The following EPHA5 variants were observed in gnomAD, a reference collection of about 807,000 sequenced individuals.
The protein encoded by EPHA5 is ephrin type-A receptor 5.
EPHA5 carries 60 observed loss-of-function variants against 105.0 expected under a neutral mutation model. The observed-to-expected ratio is 0.57, with a 90% CI of 0.46 to 0.71. EPHA5 has a LOEUF of 0.71. Among genes scored for constraint, EPHA5 ranks in the 30% least tolerant of loss-of-function variants. The probability of loss-of-function intolerance (pLI) is 0.00; values close to 1 mark genes in which losing one functional copy is unlikely to be tolerated. For synonymous variants in EPHA5, 513 were observed against 449.1 expected, an observed-to-expected ratio of 1.14 and a Z score of -1.80; for missense variants, 1,218 against 1,274.7, an observed-to-expected ratio of 0.96 and a Z score of 0.68.
chr4:65,396,301 T>A (rs569513247), intron 8 of EPHA5, among the ~76,000 whole-genome samples: 1 of 152,320 alleles, frequency 6.6e-6, no homozygotes, highest in South Asian at 2.1e-4. Context: ...GACTTAAGGC[T>A]AATTAAGGGG....
chr4:65,549,121 G>A (rs1032673206), intron 3 of EPHA5, among the ~76,000 whole-genome samples: 1 of 151,994 alleles, frequency 6.6e-6, no homozygotes, highest in African/African-American at 2.4e-5. Context: ...CAACATAAAT[G>A]CAAACATCAG....
chr4:65,539,543 A>G (rs1257661001), intron 3 of EPHA5, among the ~76,000 whole-genome samples: 2 of 151,602 alleles, frequency 1.3e-5, no homozygotes, highest in African/African-American at 4.8e-5. Flanking sequence ...TCATACTGGA[A>G]ACCAAACAAG....
intron 5 of EPHA5, among the ~76,000 whole-genome samples, chr4:65,422,793 G>C (rs1166919631): frequency 5.3e-5 from 8 of 151,930 alleles, no homozygotes; most frequent in Non-Finnish European, 1.0e-4. Context: ...AATTTTTAAA[G>C]TTTTAAATTT....
intron 3 of EPHA5, among the ~76,000 whole-genome samples, chr4:65,520,031 A>G (rs1470975007): frequency 6.6e-6 from 1 of 152,190 alleles, no homozygotes; most frequent in Non-Finnish European, 1.5e-5. Flanking sequence ...AAACTACTTT[A>G]AAGTTCATAT....
At chr4:65,527,712 G>A (rs1735372324) in intron 3 of EPHA5, among the ~76,000 whole-genome samples, 2 of 152,002 alleles carry the variant, frequency 1.3e-5, no homozygotes, top group Non-Finnish European at 2.9e-5. Flanking sequence ...TATTTTAAGT[G>A]CAGGGGTTCA....
intron 8 of EPHA5, among the ~76,000 whole-genome samples, chr4:65,387,882 A>G (rs1720269658): frequency 6.6e-6 from 1 of 150,804 alleles, no homozygotes; most frequent in South Asian, 2.1e-4. Context: ...TTAGTTACAT[A>G]TGTATACATG....
At chr4:65,620,289 T>C (rs1411777536) in intron 2 of EPHA5, among the ~76,000 whole-genome samples, 2 of 151,960 alleles carry the variant, frequency 1.3e-5, no homozygotes, top group Non-Finnish European at 2.9e-5. Flanking sequence ...GTTAATAAGT[T>C]TTGGAGCTAT....
intron 5 of EPHA5, among the ~76,000 whole-genome samples, chr4:65,436,291 A>G (rs1207365180): frequency 6.6e-6 from 1 of 151,970 alleles, no homozygotes; most frequent in Non-Finnish European, 1.5e-5. Flanking sequence ...ACTTTGGAGA[A>G]ATGTTTCTAT....
intron 3 of EPHA5, among the ~76,000 whole-genome samples, chr4:65,496,692 G>A (rs961140022): frequency 2.0e-5 from 3 of 151,970 alleles, no homozygotes; most frequent in East Asian, 3.9e-4. Context: ...ATAAACATAC[G>A]TGTGCATGTG....
chr4:65,410,393 G>T (rs1376675250), intron 7 of EPHA5, among the ~76,000 whole-genome samples: 1 of 152,120 alleles, frequency 6.6e-6, no homozygotes, highest in Non-Finnish European at 1.5e-5. Context: ...GCAGATGAAT[G>T]GTTTCCAGGG....
In EPHA5 at chr4:65,365,155, T is replaced by C. The variant is rs1717744644; in HGVS notation, c.2035A>G (p.Arg679Gly). 2 of 1,611,238 alleles carry C rather than the reference T, an allele frequency of 1.2e-6. No homozygotes were observed. The highest frequency in any genetic ancestry group is 2.7e-5 in the African/African-American group (2 of 74,736). The change falls in exon 11 of 17, where the codon AGA becomes GGA. Residue 679 changes from arginine to glycine, a missense_variant. Physicochemically the swap from Arg to Gly is moderately radical, Grantham distance 125 (BLOSUM62 -2). Around this residue, in one of 3 missense-constraint regions of EPHA5, gnomAD observed 971 missense variants for 1,013.5 expected, o/e 0.96. Coordinates refer to ENST00000613740, the MANE Select transcript of EPHA5 (RefSeq NM_001281766.3). ...GTTTTGATAGCCACAGGTAATTCTC[T>C]TTTTCCTGGTAGTTTCAAACGTCCA... ...CSGRLKLPGK[R>G]ELPVAIKTLK...
At chr4:65,432,608 C>T (rs563697880) in intron 5 of EPHA5, among the ~76,000 whole-genome samples, 3 of 152,054 alleles carry the variant, frequency 2.0e-5, no homozygotes, top group East Asian at 3.9e-4. Context: ...TACTCTGTCA[C>T]CCAGTCTTGA....
intron 9 of EPHA5, 111 bp from the exon 10 acceptor site, chr4:65,366,168 A>G (rs950156904): frequency 2.0e-6 from 2 of 1,016,798 alleles, no homozygotes; most frequent in African/African-American, 3.2e-5. Flanking sequence ...GGAAGTATTC[A>G]AACTGCAAGG....
chr4:65,355,462 G>C (rs1051276075), intron 11 of EPHA5, among the ~76,000 whole-genome samples: 1 of 151,468 alleles, frequency 6.6e-6, no homozygotes, highest in African/African-American at 2.4e-5. Flanking sequence ...TCTTTTTAAA[G>C]GACCTCAGGC....
chr4:65,561,609 A>G (rs1739025924), intron 3 of EPHA5, among the ~76,000 whole-genome samples: 1 of 152,092 alleles, frequency 6.6e-6, no homozygotes, highest in Non-Finnish European at 1.5e-5. Context: ...AAAAGCAGAA[A>G]GTGAGAGTAA....
At chr4:65,502,302 G>C (rs553449400) in intron 3 of EPHA5, among the ~76,000 whole-genome samples, 2 of 151,004 alleles carry the variant, frequency 1.3e-5, no homozygotes, top group Admixed American at 6.6e-5. Flanking sequence ...AAAACTATTA[G>C]CAAAGTAAAC....
In EPHA5 at chr4:65,499,298, A is replaced by G. The variant is rs372658346; in HGVS notation, c.911-3755T>C. Among the ~76,000 whole-genome samples the G allele has an allele frequency of 2.3e-4, 35 of 151,750 alleles. No individual in the cohort carries two copies. The South Asian group carries it at 7.0e-3, about 31-fold the overall frequency. ...TAAAATTATCTGTATTTGAATTAGG[A>G]ACCCCCACTCTGCTCTCTGAGGTGA... On this transcript the variant is annotated intron_variant, in intron 3 of 16. Transcript: ENST00000613740.
intron 8 of EPHA5, among the ~76,000 whole-genome samples, chr4:65,392,549 G>A (rs750504215): frequency 2.0e-4 from 31 of 152,100 alleles, no homozygotes; most frequent in African/African-American, 7.0e-4. Flanking sequence ...GCTGCTTGAC[G>A]TCACCGGGTA....
At chr4:65,574,611 T>C (rs370797704) in intron 3 of EPHA5, among the ~76,000 whole-genome samples, 5,508 of 115,446 alleles carry the variant, frequency 0.048, 127 homozygotes, top group East Asian at 0.073. Flanking sequence ...TATATATATA[T>C]ACATATATAT....
Sources: allele counts gnomAD v4.1 joint callset (sites outside exome capture counted in the v4.1 genomes callset), GRCh38; gene constraint gnomAD v4.1.1; regional missense constraint gnomAD v4.1.1; transcripts MANE v1.5; gene names NCBI Gene and HGNC (gene_info 2026-07-23, HGNC 2026-07-21).